Variants in ALKAL1 observed in about 807,000 individuals in gnomAD.
The protein encoded by ALKAL1 is ALK and LTK ligand 1.
A neutral mutation model predicts 13.5 loss-of-function variants in ALKAL1; 23 were observed. That is an observed-to-expected ratio of 1.70 (90% CI 1.23 to 2.41). The LOEUF is 2.41. Ranked by LOEUF, ALKAL1 falls within the 30% of genes most tolerant of loss-of-function variation. The pLI, the probability that ALKAL1 is intolerant of heterozygous loss-of-function variation, is 0.00. For missense variants in ALKAL1, 181 were observed against 178.4 expected (o/e 1.01, Z -0.08); for synonymous variants, 85 against 77.7 (o/e 1.09, Z -0.49).
chr8:52,538,322 C>A (rs778513846), intron 4 of ALKAL1, 109 bp downstream of exon 4: 7 of 672,442 alleles, frequency 1.0e-5, no homozygotes, highest in Non-Finnish European at 1.6e-5. Flanking sequence ...TAACACTGTA[C>A]CCCATAAATA....
At chr8:52,541,493 C>T (rs965563528) in intron 2 of ALKAL1, among the ~76,000 whole-genome samples, 2 of 152,026 alleles carry the variant, frequency 1.3e-5, no homozygotes, top group Non-Finnish European at 2.9e-5. Context: ...TTTGGCCGGG[C>T]GTGGTGGCTC....
Position 52,549,143 on chromosome 8 carries a change from G to A in ALKAL1, c.191-6698C>T, listed in dbSNP as rs181658686. Among the ~76,000 whole-genome samples, 195 of 152,108 alleles carry A rather than the reference G, an allele frequency of 1.3e-3. 1 individual carries two copies. The highest frequency in any genetic ancestry group is 4.7e-3 in the African/African-American group (194 of 41,524). On this transcript the variant is annotated intron_variant, in intron 1 of 4. Transcript: ENST00000358543. The stretch of plus-strand genomic sequence containing the variant: ...AAGGTACTATGGAACATTATTTTAT[G>A]TTTCAATCTAGCATTACATTAGGTA...
chr8:52,554,982 T>C (rs1847467862), intron 1 of ALKAL1, among the ~76,000 whole-genome samples: 1 of 151,960 alleles, frequency 6.6e-6, no homozygotes, highest in Non-Finnish European at 1.5e-5. Context: ...CCATCCTGGC[T>C]AACACGGAGA....
chr8:52,549,495 A>G (rs1847408391), intron 1 of ALKAL1, among the ~76,000 whole-genome samples: 1 of 151,288 alleles, frequency 6.6e-6, no homozygotes, highest in Non-Finnish European at 1.5e-5. Flanking sequence ...CTCTGCCTTC[A>G]TCGTAACATG....
intron 1 of ALKAL1, among the ~76,000 whole-genome samples, chr8:52,555,822 G>A (rs1018323449): frequency 4.6e-5 from 7 of 152,198 alleles, no homozygotes; most frequent in African/African-American, 7.2e-5. Context: ...CTCATGACCC[G>A]CCCTGGTGCT....
chr8:52,542,591 C>G, intron 1 of ALKAL1, 146 bp from the exon 2 acceptor site: 1 of 602,718 alleles, frequency 1.7e-6, no homozygotes, highest in Non-Finnish European at 2.9e-6. Context: ...GTTTCTCCAG[C>G]CCTGACCATT....
At chr8:52,549,561 G>C (rs1300943054) in intron 1 of ALKAL1, among the ~76,000 whole-genome samples, 1 of 151,648 alleles carries the variant, frequency 6.6e-6, no homozygotes, top group Admixed American at 6.6e-5. Context: ...AACAACACCA[G>C]TTGTATTGAA....
chr8:52,549,282 C>T (rs1336039506), intron 1 of ALKAL1, among the ~76,000 whole-genome samples: 1 of 151,856 alleles, frequency 6.6e-6, no homozygotes, highest in Non-Finnish European at 1.5e-5. Flanking sequence ...ATAACAAGTT[C>T]CCATTTCAAA....
chr8:52,560,830 A>G (rs1847542500), intron 1 of ALKAL1, among the ~76,000 whole-genome samples: 1 of 152,186 alleles, frequency 6.6e-6, no homozygotes, highest in African/African-American at 2.4e-5. Flanking sequence ...CTGGTCATAT[A>G]TATAACCTGC....
At chr8:52,551,255 A>AT (rs1179881205) in intron 1 of ALKAL1, among the ~76,000 whole-genome samples, 1 of 152,116 alleles carries the variant, frequency 6.6e-6, no homozygotes, top group East Asian at 1.9e-4. Flanking sequence ...TACAAAGAAT[A>AT]TCCTGACTGA....
At chr8:52,543,082 A>C (rs1422739410) in intron 1 of ALKAL1, among the ~76,000 whole-genome samples, 1 of 152,378 alleles carries the variant, frequency 6.6e-6, no homozygotes, top group African/African-American at 2.4e-5. Context: ...TTAATACATA[A>C]TAAAATTTAA....
At chr8:52,534,912 G>A (rs937192701) in intron 4 of ALKAL1, among the ~76,000 whole-genome samples, 1 of 152,154 alleles carries the variant, frequency 6.6e-6, no homozygotes, top group East Asian at 1.9e-4. Flanking sequence ...AGTATTGATT[G>A]TAAACCTTAT....
intron 4 of ALKAL1, among the ~76,000 whole-genome samples, chr8:52,537,224 C>T (rs927358929): frequency 2.0e-5 from 3 of 152,058 alleles, no homozygotes; most frequent in African/African-American, 4.8e-5. Context: ...GAAAAAAATG[C>T]TAAACATCAC....
intron 1 of ALKAL1, among the ~76,000 whole-genome samples, chr8:52,564,494 A>C (rs909340835): frequency 6.6e-6 from 1 of 152,164 alleles, no homozygotes; most frequent in East Asian, 1.9e-4. Flanking sequence ...TCTAAGTAGC[A>C]GGAACCTGAC....
At position 52,534,374 on chromosome 8, in the gene ALKAL1, A is replaced by G. The variant is rs1168495504; in HGVS notation, c.*239T>C. 1 of 359,198 alleles carries G rather than the reference A, an allele frequency of 2.8e-6. No homozygotes were observed. Among genetic ancestry groups the G allele is most frequent in the Non-Finnish European group, 4.9e-6 (1 of 203,214 alleles). 22.3% of individuals were successfully genotyped at this position (359,198 alleles called of 1,614,324 possible). ...CAATTTTTAATATCTAATTTTCAAT[A>G]TGCGATTCAAACTCTGTTTTACAAA... On this transcript the variant is annotated 3_prime_UTR_variant, in exon 5 of 5. Coordinates refer to ENST00000358543, the MANE Select transcript of ALKAL1 (RefSeq NM_207413.4).
In ALKAL1 at chr8:52,534,528, T is replaced by A; in HGVS notation, c.*85A>T. The A allele has an allele frequency of 5.1e-6, 3 of 583,376 alleles. No homozygotes were observed. In the Admixed American group the frequency reaches 9.9e-5, roughly 19 times the overall value. The allele number at this position is 583,376 out of a possible 1,614,324, so 36.1% of individuals were successfully genotyped here. On this transcript the variant is annotated 3_prime_UTR_variant, in exon 5 of 5. Transcript: ENST00000358543. ...TCTTAATATCCATAAAAATATAAAT[T>A]TCATCTTTTTTTACATTTTGCATGA...
At chr8:52,542,905 C>T (rs1467759865) in intron 1 of ALKAL1, among the ~76,000 whole-genome samples, 1 of 152,226 alleles carries the variant, frequency 6.6e-6, no homozygotes, top group Non-Finnish European at 1.5e-5. Flanking sequence ...CTTTCTCCTT[C>T]CCTCAACGAG....
Position 52,534,301 on chromosome 8 carries a change from A to C in ALKAL1, c.*312T>G, listed in dbSNP as rs562197006. 8.6e-6 allele frequency: 2 copies of C among 231,714 alleles called. No individual in the cohort carries two copies. Among genetic ancestry groups the C allele is most frequent in the Non-Finnish European group, 1.6e-5 (2 of 121,600 alleles). 14.4% of individuals were successfully genotyped at this position (231,714 alleles called of 1,614,324 possible). ...AATTAAATGTTTAATTAGAATGTTA[A>C]CCATATAAAGAAAATAATATATCTA... On this transcript the variant is annotated 3_prime_UTR_variant, in exon 5 of 5. Coordinates refer to ENST00000358543, the MANE Select transcript of ALKAL1 (RefSeq NM_207413.4).
At chr8:52,536,923 A>C (rs1847271168) in intron 4 of ALKAL1, among the ~76,000 whole-genome samples, 1 of 152,208 alleles carries the variant, frequency 6.6e-6, no homozygotes, top group Admixed American at 6.5e-5. Flanking sequence ...ACCGAGTTTT[A>C]ACATTTAGTG....
Sources: allele counts gnomAD v4.1 joint callset (sites outside exome capture counted in the v4.1 genomes callset), GRCh38; gene constraint gnomAD v4.1.1; transcripts MANE v1.5; gene names NCBI Gene and HGNC (gene_info 2026-07-23, HGNC 2026-07-21).